The following ANKH variants were observed in gnomAD, a reference collection of about 807,000 sequenced individuals.
ANKH encodes mineralization regulator ANKH.
Under a neutral mutation model 49.0 loss-of-function variants are expected in ANKH, and 15 were observed. That is an observed-to-expected ratio of 0.31 (90% CI 0.20 to 0.47). The LOEUF (loss-of-function observed/expected upper bound fraction) is 0.47. Ranked by LOEUF, ANKH falls within the 20% of genes least tolerant of loss-of-function variation. ANKH has a pLI of 1.00. For missense variants in ANKH, 429 were observed against 652.0 expected, an observed-to-expected ratio of 0.66 and a Z score of 3.72; for synonymous variants, 273 against 260.0, an observed-to-expected ratio of 1.05 and a Z score of -0.48.
chr5:14,764,484 T>C (rs1353602920), intron 2 of ANKH, among the ~76,000 whole-genome samples: 1 of 151,896 alleles, frequency 6.6e-6, no homozygotes, highest in African/African-American at 2.4e-5. Flanking sequence ...CCCACCAAGG[T>C]CAGCAGAGCG....
intron 1 of ANKH, among the ~76,000 whole-genome samples, chr5:14,780,636 G>A (rs1051097711): frequency 3.9e-5 from 6 of 152,222 alleles, no homozygotes; most frequent in African/African-American, 1.2e-4. Flanking sequence ...AGCTGATACT[G>A]TTCCCTAAAA....
chr5:14,837,477 A>C (rs1477165999), intron 1 of ANKH, among the ~76,000 whole-genome samples: 1 of 152,258 alleles, frequency 6.6e-6, no homozygotes, highest in Non-Finnish European at 1.5e-5. Context: ...ATGAACAAAC[A>C]CTTCTCAAAA....
chr5:14,705,875 G>GC lies in ANKH; in HGVS notation c.*5321dup, dbSNP rs1736929310. The stretch of plus-strand genomic sequence containing the variant: ...AACCGTGGGTCCCTGCATGTTCATG[G>GC]CCCCACACTTCAGGGAACCAGCATC... On this transcript the variant is annotated 3_prime_UTR_variant, in exon 12 of 12. Transcript: ENST00000284268. The GC allele has an allele frequency of 6.6e-6, 1 of 152,194 alleles. No homozygotes were observed. Among genetic ancestry groups the GC allele is most frequent in the Non-Finnish European group, 1.5e-5 (1 of 68,030 alleles). 9.4% of individuals were successfully genotyped at this position (152,194 alleles called of 1,614,324 possible).
chr5:14,761,768 T>G (rs2126500307), intron 2 of ANKH, among the ~76,000 whole-genome samples: 1 of 150,518 alleles, frequency 6.6e-6, no homozygotes, highest in Admixed American at 6.6e-5. Context: ...TTTGCCTTTT[T>G]TTTTTTTTCC....
chr5:14,740,899 T>C (rs1030021536), intron 8 of ANKH, among the ~76,000 whole-genome samples: 1 of 152,222 alleles, frequency 6.6e-6, no homozygotes, highest in Non-Finnish European at 1.5e-5. Flanking sequence ...TCGACATTTC[T>C]GCAAATATTT....
Position 14,799,341 on chromosome 5 carries a change from C to A in ANKH, c.97-30150G>T, listed in dbSNP as rs571554732. 3.9e-5 allele frequency among the ~76,000 whole-genome samples: 6 copies of A among 152,320 alleles called. No homozygotes were observed. The Middle Eastern group carries it at 0.01, about 259-fold the overall frequency. ...TTATGTAGGAGCTGCAGCAACTTAT[C>A]CAGAAGATCTAGCTAAGATCACTAA... On this transcript the variant is annotated intron_variant, in intron 1 of 11. Coordinates refer to ENST00000284268, the MANE Select transcript of ANKH (RefSeq NM_054027.6).
chr5:14,797,032 G>T, intron 1 of ANKH: 3 of 1,206,818 alleles, frequency 2.5e-6, no homozygotes, highest in Non-Finnish European at 3.3e-6. Flanking sequence ...AGGGATAGCT[G>T]AATAAAATCT....
At chr5:14,798,363 T>C in intron 1 of ANKH, 1 of 1,562,682 alleles carries the variant, frequency 6.4e-7, no homozygotes, top group Middle Eastern at 1.8e-4. Flanking sequence ...CACTCATTCT[T>C]CCACTGTGTT....
chr5:14,743,332 C>T (rs907103576), intron 7 of ANKH, among the ~76,000 whole-genome samples: 3 of 152,186 alleles, frequency 2.0e-5, no homozygotes, highest in Non-Finnish European at 2.9e-5. Context: ...CAGCAAAACA[C>T]ACATACTGCC....
chr5:14,714,832 G>C (rs1737383313), intron 9 of ANKH, among the ~76,000 whole-genome samples: 1 of 152,204 alleles, frequency 6.6e-6, no homozygotes, highest in African/African-American at 2.4e-5. Flanking sequence ...CAGTAAAGGT[G>C]AATCACATAC....
rs758784805 is a variant in ANKH at position 14,745,859 on chromosome 5, C to T, written c.915+11G>A. The T allele has an allele frequency of 2.5e-5, 41 of 1,613,616 alleles. No individual in the cohort carries two copies. Among genetic ancestry groups the T allele is most frequent in the South Asian group, 5.5e-5 (5 of 91,068 alleles). ...AGCATGTTTCAGACACGACACCGCACGGGTTCTCACCTTGTCGAAAGCAGG... is the reference window on the plus strand; with the variant it reads ...AGCATGTTTCAGACACGACACCGCATGGGTTCTCACCTTGTCGAAAGCAGG... On this transcript the variant is annotated intron_variant, in intron 7 of 11. Transcript: ENST00000284268. The surrounding 1 kb of genome is among the most constrained non-coding windows in gnomAD (Gnocchi z 4.7).
rs181816930 is a variant in ANKH, at chr5:14,787,082, G to A, written c.97-17891C>T. 7.2e-5 allele frequency among the ~76,000 whole-genome samples: 11 copies of A among 152,100 alleles called. No individual in the cohort carries two copies. In the East Asian group the frequency reaches 2.1e-3, roughly 30 times the overall value. ...TAATTCCAGCACTTTGGAAGGCTGA[G>A]GCAGGTGGATCACCTGAGGTCAGGA... On this transcript the variant is annotated intron_variant, in intron 1 of 11. Transcript: ENST00000284268.
chr5:14,829,726 A>C (rs1741450183), intron 1 of ANKH, among the ~76,000 whole-genome samples: 1 of 152,190 alleles, frequency 6.6e-6, no homozygotes, highest in Non-Finnish European at 1.5e-5. Flanking sequence ...GATTTGTTGC[A>C]CATTTCCTGC....
Position 14,737,659 on chromosome 5 carries a change from C to T in ANKH, c.1011+4168G>A, listed in dbSNP as rs747870892. Among the ~76,000 whole-genome samples the T allele has an allele frequency of 7.2e-5, 11 of 152,358 alleles. No homozygotes were observed. Among genetic ancestry groups the T allele is most frequent in the South Asian group, 4.1e-4 (2 of 4,832 alleles). On this transcript the variant is annotated intron_variant, in intron 8 of 11. Coordinates refer to ENST00000284268, the MANE Select transcript of ANKH (RefSeq NM_054027.6). This position sits in a 1 kb window ranked among gnomAD's most constrained non-coding sequence, Gnocchi z 5.0. ...TCCTTTGCGTGGCTGCAACCCTGCA[C>T]GCTTCCACGTGAAAGCAGACCCTCT...
chr5:14,848,490 G>A (rs954174407), intron 1 of ANKH, among the ~76,000 whole-genome samples: 1 of 152,192 alleles, frequency 6.6e-6, no homozygotes, highest in Non-Finnish European at 1.5e-5. Flanking sequence ...TCTGCTCCAT[G>A]TTTGTTCCGG....
intron 8 of ANKH, among the ~76,000 whole-genome samples, chr5:14,730,619 G>A (rs1276920102): frequency 6.6e-6 from 1 of 152,194 alleles, no homozygotes; most frequent in Non-Finnish European, 1.5e-5. Flanking sequence ...CCCTCACCCA[G>A]GTCCTGGGAC....
chr5:14,825,748 C>A (rs764578430), intron 1 of ANKH, among the ~76,000 whole-genome samples: 1 of 152,196 alleles, frequency 6.6e-6, no homozygotes. Flanking sequence ...CTGAACTGAT[C>A]GTGCAGAATC....
At chr5:14,814,131 A>G (rs905261424) in intron 1 of ANKH, among the ~76,000 whole-genome samples, 2 of 152,160 alleles carry the variant, frequency 1.3e-5, no homozygotes, top group African/African-American at 4.8e-5. Context: ...CCCTTTCCCA[A>G]TGTTTTCATA....
intron 8 of ANKH, among the ~76,000 whole-genome samples, chr5:14,721,780 A>C (rs1737672181): frequency 1.3e-5 from 2 of 151,988 alleles, no homozygotes; most frequent in Admixed American, 1.3e-4. Context: ...AATACAAAAA[A>C]TTAGCCAGGC....
Sources: allele counts gnomAD v4.1 joint callset (sites outside exome capture counted in the v4.1 genomes callset), GRCh38; gene constraint gnomAD v4.1.1; non-coding constraint Gnocchi (gnomAD v3.1); transcripts MANE v1.5; gene names NCBI Gene and HGNC (gene_info 2026-07-23, HGNC 2026-07-21).